SHISA9: variants seen among roughly 807,000 people sequenced by gnomAD.
SHISA9 encodes protein shisa-9.
In SHISA9, 13 loss-of-function variants were observed where a neutral mutation model predicts 38.0. The ratio of observed to expected loss-of-function variants is 0.34; its 90% CI spans 0.22 to 0.54. SHISA9 has a LOEUF of 0.54. SHISA9 is among the 20% of genes least tolerant of loss of function. The pLI, the probability that SHISA9 is intolerant of heterozygous loss-of-function variation, is 0.91. For synonymous variants in SHISA9, 275 were observed against 242.0 expected (o/e 1.14, Z -1.27); for missense variants, 538 against 575.8 (o/e 0.93, Z 0.67).
the SHISA9 span, among the ~76,000 whole-genome samples, chr16:13,514,155 C>T: frequency 3.3e-5 from 5 of 151,940 alleles, no homozygotes; most frequent in Admixed American, 6.6e-5. Flanking sequence ...CCACCACACT[C>T]GGCTAATTTT....
At chr16:13,070,036 G>A (rs1239868340) in intron 2 of SHISA9, among the ~76,000 whole-genome samples, 1 of 152,124 alleles carries the variant, frequency 6.6e-6, no homozygotes, top group Non-Finnish European at 1.5e-5. Context: ...CTAAGAGAAA[G>A]GGTGTCACTT....
intron 2 of SHISA9, among the ~76,000 whole-genome samples, chr16:12,952,968 C>G (rs959756862): frequency 6.6e-6 from 1 of 152,094 alleles, no homozygotes; most frequent in Non-Finnish European, 1.5e-5. Flanking sequence ...GAGGCAGGCA[C>G]AGCTCCTGAC....
chr16:13,541,435 C>A, the SHISA9 span, among the ~76,000 whole-genome samples: 1 of 152,146 alleles, frequency 6.6e-6, no homozygotes, highest in Non-Finnish European at 1.5e-5. Flanking sequence ...CTGAACCCAG[C>A]CTTAACAGTT....
intron 2 of SHISA9, among the ~76,000 whole-genome samples, chr16:12,931,888 C>A (rs2071466072): frequency 6.6e-6 from 1 of 152,264 alleles, no homozygotes; most frequent in Non-Finnish European, 1.5e-5. Flanking sequence ...GTGTCCCCAC[C>A]CAAATCTCAT....
At chr16:13,164,660 T>C (rs1178418830) in intron 2 of SHISA9, among the ~76,000 whole-genome samples, 1 of 152,140 alleles carries the variant, frequency 6.6e-6, no homozygotes, top group African/African-American at 2.4e-5. Flanking sequence ...TTGCTATAAC[T>C]GCATCTCACA....
intron 2 of SHISA9, among the ~76,000 whole-genome samples, chr16:12,954,100 A>G (rs569152594): frequency 1.3e-5 from 2 of 152,326 alleles, no homozygotes; most frequent in East Asian, 3.9e-4. Flanking sequence ...AAGTGGCGAG[A>G]TGATTTAAGA....
In SHISA9 at chr16:12,902,478, G is replaced by A. The variant is rs1305946135; in HGVS notation, c.414G>A (p.Lys138=). The change falls in exon 1 of 5, where the codon AAG becomes AAA. Residue 138 remains lysine, a synonymous_variant. Transcript: ENST00000558583. ...WLNTGKPPAR[K]DDPLHDPTKD... is the part of the protein sequence containing the mutation. ...ACACCGGCAAGCCCCCCGCCCGCAA[G>A]GACGACCCCTTGCACGACCCCACCA... 27 of 1,551,368 alleles carry A rather than the reference G, an allele frequency of 1.7e-5. No individual in the cohort carries two copies. The Admixed American group carries it at 5.1e-4, about 29-fold the overall frequency.
the SHISA9 span, among the ~76,000 whole-genome samples, chr16:13,248,440 A>G: frequency 6.6e-6 from 1 of 152,190 alleles, no homozygotes; most frequent in Admixed American, 6.5e-5. Context: ...AAATAAAGAG[A>G]GGCACTGCAT....
the SHISA9 span, among the ~76,000 whole-genome samples, chr16:13,412,796 G>A: frequency 7.2e-5 from 11 of 152,242 alleles, no homozygotes; most frequent in African/African-American, 2.6e-4. Flanking sequence ...GGCAGAGGTT[G>A]CAGTGAGCAA....
the SHISA9 span, among the ~76,000 whole-genome samples, chr16:13,430,541 C>G: frequency 2.6e-5 from 4 of 152,050 alleles, no homozygotes; most frequent in Non-Finnish European, 5.9e-5. Flanking sequence ...GACGTAATGT[C>G]TGCTCGACAT....
the SHISA9 span, among the ~76,000 whole-genome samples, chr16:13,382,979 A>G: frequency 7.2e-5 from 11 of 152,226 alleles, no homozygotes; most frequent in Non-Finnish European, 1.5e-4. Context: ...AACTTCTTCA[A>G]TCAGCAGTCA....
chr16:13,367,708 G>A, the SHISA9 span, among the ~76,000 whole-genome samples: 179 of 116,662 alleles, frequency 1.5e-3, no homozygotes, highest in South Asian at 2.6e-3. Context: ...GCGCGCGCGC[G>A]CGCGCACACA....
intron 2 of SHISA9, among the ~76,000 whole-genome samples, chr16:13,102,890 C>A (rs758284061): frequency 1.3e-5 from 2 of 152,196 alleles, no homozygotes; most frequent in Admixed American, 6.5e-5. Flanking sequence ...CACTCAACTT[C>A]CAGACTTTTC....
downstream of SHISA9, among the ~76,000 whole-genome samples, chr16:13,241,162 A>C (rs566122843): frequency 2.6e-5 from 4 of 152,284 alleles, no homozygotes; most frequent in African/African-American, 9.6e-5. Context: ...CAGGGATGCT[A>C]ATGTTCAGAC....
chr16:13,266,296 T>C, the SHISA9 span, among the ~76,000 whole-genome samples: 1 of 152,220 alleles, frequency 6.6e-6, no homozygotes, highest in African/African-American at 2.4e-5. Context: ...TATTTCTTTA[T>C]TACCCTTTCC....
At chr16:13,252,615 G>A in the SHISA9 span, among the ~76,000 whole-genome samples, 53 of 152,216 alleles carry the variant, frequency 3.5e-4, no homozygotes, top group South Asian at 1.0e-3. Flanking sequence ...TGAAGCTTGC[G>A]CTGCTCATGT....
At chr16:12,971,452 A>C (rs1363554051) in intron 2 of SHISA9, among the ~76,000 whole-genome samples, 2 of 152,220 alleles carry the variant, frequency 1.3e-5, no homozygotes, top group Non-Finnish European at 2.9e-5. Context: ...CTTGAATGGG[A>C]GAGAGGTCTT....
At chr16:13,197,710 G>A (rs1010001936) in intron 2 of SHISA9, 4 of 152,174 alleles carry the variant, frequency 2.6e-5, no homozygotes, top group Non-Finnish European at 5.9e-5. Flanking sequence ...TATTTCGAAG[G>A]GTCGTAATGA....
the SHISA9 span, among the ~76,000 whole-genome samples, chr16:13,383,212 G>T: frequency 1.3e-5 from 2 of 152,208 alleles, no homozygotes; most frequent in African/African-American, 4.8e-5. Flanking sequence ...GTTAAGGATG[G>T]CCTTTCTCAT....
Sources: allele counts gnomAD v4.1 joint callset (sites outside exome capture counted in the v4.1 genomes callset), GRCh38; gene constraint gnomAD v4.1.1; transcripts MANE v1.5; gene names NCBI Gene and HGNC (gene_info 2026-07-23, HGNC 2026-07-21).